The following INTU variants were observed in gnomAD, a reference collection of about 807,000 sequenced individuals.
INTU encodes the protein inturned planar cell polarity protein.
Under a neutral mutation model 100.5 loss-of-function variants are expected in INTU, and 68 were observed. The ratio of observed to expected loss-of-function variants is 0.68; its 90% CI spans 0.56 to 0.83. The LOEUF is 0.83. Ranked by LOEUF, INTU falls within the 40% of genes least tolerant of loss-of-function variation. INTU has a pLI of 0.00. For missense variants in INTU, 1,071 were observed against 1,114.7 expected (o/e 0.96, Z 0.56); for synonymous variants, 357 against 395.7 (o/e 0.90, Z 1.16).
chr4:127,660,916 AC>A (rs1389261246), intron 3 of INTU, among the ~76,000 whole-genome samples: 5 of 152,138 alleles, frequency 3.3e-5, no homozygotes, highest in African/African-American at 1.2e-4. Flanking sequence ...ATGTATATCA[AC>A]CTATTTTTTA....
intron 8 of INTU, among the ~76,000 whole-genome samples, chr4:127,697,264 G>A (rs889268211): frequency 6.6e-6 from 1 of 152,082 alleles, no homozygotes; most frequent in Non-Finnish European, 1.5e-5. Flanking sequence ...AAGAAATTCC[G>A]TGACCATTCG....
In INTU at chr4:127,716,202, A is replaced by T. The variant is rs979217339; in HGVS notation, c.2718-123A>T. 8.7e-5 allele frequency: 45 copies of T among 514,386 alleles called. 1 individual carries two copies. Among genetic ancestry groups the T allele is most frequent in the Admixed American group, 4.3e-4 (12 of 27,696 alleles). 31.9% of individuals were successfully genotyped at this position (514,386 alleles called of 1,614,324 possible). A position where few individuals can be genotyped will look rare whatever the true frequency, so the allele number is the denominator to read the frequency against. ...TGCTTTCTCCCTAGTATAGATTTAG[A>T]TTCATGGATTTTAAATTTACTACTG... On this transcript the variant is annotated intron_variant, in intron 15 of 15. Coordinates refer to ENST00000335251, the MANE Select transcript of INTU (RefSeq NM_015693.4).
At chr4:127,674,384 A>G (rs1299198394) in intron 6 of INTU, among the ~76,000 whole-genome samples, 171 bp downstream of exon 6, 3 of 152,218 alleles carry the variant, frequency 2.0e-5, no homozygotes, top group Non-Finnish European at 4.4e-5. Flanking sequence ...TGAATAATGC[A>G]GAAAGGTGCC....
rs755278340 is a variant in INTU at position 127,705,759 on chromosome 4, A to G, written c.1735A>G (p.Thr579Ala). The G allele has an allele frequency of 3.7e-6, 6 of 1,614,090 alleles. No homozygotes were observed. The highest frequency in any genetic ancestry group is 1.7e-5 in the Admixed American group (1 of 60,006). ...CCTCCGACCTTTGGCAGACTCAAGC[A>G]CTGAAGTCTTTCCGGAACCTGAAGG... The part of the protein sequence containing the change: ...HHLRPLADSS[T>A]EVFPEPEGRY... Residue 579 changes from threonine (T) to alanine (A), a missense_variant, in exon 11 of 16, where the codon ACT (threonine) becomes GCT (alanine). Physicochemically the swap from Thr to Ala is moderately conservative, Grantham distance 58 (BLOSUM62 0). Transcript: ENST00000335251.
chr4:127,676,435 A>G (rs894065872), intron 6 of INTU, among the ~76,000 whole-genome samples: 1 of 152,032 alleles, frequency 6.6e-6, no homozygotes, highest in African/African-American at 2.4e-5. Context: ...CAAATACAAA[A>G]ATTAGCCAGG....
In INTU at chr4:127,716,498, A is replaced by G; in HGVS notation, c.*62A>G. On this transcript the variant is annotated 3_prime_UTR_variant, in exon 16 of 16. Transcript: ENST00000335251. ...GGATCAAACACTGTCAGAATTGCTG[A>G]AATCAATACACAAAGAGATAAAGTT... 1.5e-6 allele frequency: 1 copy of G among 657,152 alleles called. No individual in the cohort carries two copies. The highest frequency in any genetic ancestry group is 2.5e-6 in the Non-Finnish European group (1 of 394,304). 40.7% of individuals were successfully genotyped at this position (657,152 alleles called of 1,614,324 possible).
At position 127,643,643 on chromosome 4, in the gene INTU, T is replaced by C. The variant is rs200990813; in HGVS notation, c.269T>C (p.Phe90Ser). Reference sequence around the variant, plus strand: ...ACACCAACTGTGAACCATGTCAGGTTCAGTGAAAATGAGATTATCATTGAA... The same window carrying C: ...ACACCAACTGTGAACCATGTCAGGTCCAGTGAAAATGAGATTATCATTGAA... ...PETPTVNHVR[F>S]SENEIIIEDD... Residue 90 changes from phenylalanine to serine, a missense_variant, in exon 2 of 16, where the codon TTC becomes TCC. Transcript: ENST00000335251. 149 of 1,613,810 alleles carry C rather than the reference T, an allele frequency of 9.2e-5. 1 individual carries two copies. The highest frequency in any genetic ancestry group is 8.1e-5 in the Non-Finnish European group (95 of 1,179,958).
intron 2 of INTU, among the ~76,000 whole-genome samples, chr4:127,654,637 T>G (rs1421171620): frequency 6.6e-6 from 1 of 151,292 alleles, no homozygotes; most frequent in Non-Finnish European, 1.5e-5. Flanking sequence ...CCGACCTTTC[T>G]CTCTGGCTGC....
intron 4 of INTU, among the ~76,000 whole-genome samples, chr4:127,664,988 C>CA (rs1728632261): frequency 6.6e-6 from 1 of 151,480 alleles, no homozygotes; most frequent in African/African-American, 2.4e-5. Context: ...TAAATGATTA[C>CA]ACTTAAAATT....
At chr4:127,694,279 C>T (rs963830272) in intron 8 of INTU, among the ~76,000 whole-genome samples, 9 of 151,746 alleles carry the variant, frequency 5.9e-5, no homozygotes, top group African/African-American at 2.2e-4. Context: ...GATCCTATAT[C>T]TTCCTTGTTT....
chr4:127,702,116 A>G (rs1187758588), intron 9 of INTU, among the ~76,000 whole-genome samples: 1 of 152,112 alleles, frequency 6.6e-6, no homozygotes, highest in Non-Finnish European at 1.5e-5. Flanking sequence ...TTTATAGAAC[A>G]CTATTTTAAT....
intron 6 of INTU, among the ~76,000 whole-genome samples, chr4:127,681,225 C>T (rs1729527504): frequency 6.6e-6 from 1 of 152,174 alleles, no homozygotes; most frequent in South Asian, 2.1e-4. Context: ...CTACCAATGA[C>T]TTTCTTCACA....
chr4:127,638,818 A>T lies in INTU; in HGVS notation c.147-4703A>T, dbSNP rs1727185319. 3.3e-5 allele frequency among the ~76,000 whole-genome samples: 5 copies of T among 152,088 alleles called. 1 individual carries two copies. Among genetic ancestry groups the T allele is most frequent in the Admixed American group, 3.3e-4 (5 of 15,262 alleles). On this transcript the variant is annotated intron_variant, in intron 1 of 15. Coordinates refer to ENST00000335251, the MANE Select transcript of INTU (RefSeq NM_015693.4). The stretch of plus-strand genomic sequence containing the variant: ...TAAAGCAAAGCAGAATAAACAAAAT[A>T]AGACTCATTGAAAGAAAATTGAAAA...
chr4:127,633,077 G>C lies in INTU; in HGVS notation c.43G>C (p.Glu15Gln). 1.2e-6 allele frequency: 2 copies of C among 1,613,918 alleles called. No homozygotes were observed. Among genetic ancestry groups the C allele is most frequent in the Non-Finnish European group, 1.7e-6 (2 of 1,179,816 alleles). ...GTGCGATTCGCGTCCGAGCTCAGAC[G>C]AGCTCCCTGGAGACCCCTCTTCACA... ...ASCDSRPSSDELPGDPSSQEE... is the reference protein window; with the variant it reads ...ASCDSRPSSDQLPGDPSSQEE... The change falls in exon 1 of 16, where the codon GAG becomes CAG. Residue 15 changes from glutamate (E) to glutamine (Q), a missense_variant. Physicochemically the swap from Glu to Gln is conservative, Grantham distance 29. Coordinates refer to ENST00000335251, the MANE Select transcript of INTU (RefSeq NM_015693.4).
chr4:127,682,512 G>A lies in INTU; in HGVS notation c.1182-1897G>A, dbSNP rs544348839. ...TCGCAAGAATAAAAAACCAAACACC[G>A]CATATTCTCACTCATAGGTGGGAAT... On this transcript the variant is annotated intron_variant, in intron 6 of 15. Coordinates refer to ENST00000335251, the MANE Select transcript of INTU (RefSeq NM_015693.4). Among the ~76,000 whole-genome samples, 394 of 146,658 alleles carry A rather than the reference G, an allele frequency of 2.7e-3. 2 individuals are homozygous for A. Among genetic ancestry groups the A allele is most frequent in the African/African-American group, 9.2e-3 (365 of 39,604 alleles).
intron 2 of INTU, among the ~76,000 whole-genome samples, chr4:127,655,580 T>C (rs1251379099): frequency 6.6e-6 from 1 of 151,592 alleles, no homozygotes; most frequent in Non-Finnish European, 1.5e-5. Context: ...GTCTGCCCAT[T>C]CTCAGATCTC....
chr4:127,644,887 A>G (rs1055023782), intron 2 of INTU, among the ~76,000 whole-genome samples: 11 of 152,294 alleles, frequency 7.2e-5, no homozygotes, highest in Non-Finnish European at 1.5e-4. Context: ...TCTGAATTTC[A>G]TTTGTTTGTT....
Position 127,706,676 on chromosome 4 carries a change from T to C in INTU, c.1978T>C (p.Phe660Leu), listed in dbSNP as rs775299982. 1.1e-5 allele frequency: 18 copies of C among 1,614,112 alleles called. No individual in the cohort carries two copies. The South Asian group carries it at 1.9e-4, about 17-fold the overall frequency. The change falls in exon 12 of 16, where the codon TTC (phenylalanine) becomes CTC (leucine). Residue 660 changes from phenylalanine to leucine, a missense_variant. Phe to Leu is a conservative substitution (Grantham distance 22). Coordinates refer to ENST00000335251, the MANE Select transcript of INTU (RefSeq NM_015693.4). ...CCCCTGTTTGTCTTGTGCTGACTGG[T>C]TCCTTACTGGATCACGTGAAAAAAC... ...PVPCLSCADW[F>L]LTGSREKTDS...
chr4:127,634,049 A>T (rs1195810297), intron 1 of INTU, among the ~76,000 whole-genome samples: 2 of 152,252 alleles, frequency 1.3e-5, no homozygotes, highest in African/African-American at 4.8e-5. Context: ...ATTTAGGAAC[A>T]ACAGTTACAA....
Sources: gnomAD v4.1 joint callset for allele counts (sites outside exome capture counted in the v4.1 genomes callset) on GRCh38, gnomAD v4.1.1 for gene constraint, MANE v1.5 for transcripts, NCBI Gene and HGNC (gene_info 2026-07-23, HGNC 2026-07-21) for gene names.